The following KCNQ3 variants were observed in gnomAD, a reference collection of about 807,000 sequenced individuals.
The protein encoded by KCNQ3 is potassium voltage-gated channel subfamily Q member 3, also known as potassium voltage-gated channel subfamily KQT member 3.
KCNQ3 carries 30 observed loss-of-function variants against 92.5 expected under a neutral mutation model. That is an observed-to-expected ratio of 0.32 (90% confidence interval 0.24 to 0.44). KCNQ3 has a LOEUF of 0.44. Among genes scored for constraint, KCNQ3 ranks in the 20% least tolerant of loss-of-function variants. The probability of loss-of-function intolerance (pLI) is 1.00; values close to 1 mark genes in which losing one functional copy is unlikely to be tolerated. For synonymous variants in KCNQ3, 450 were observed against 468.8 expected, an observed-to-expected ratio of 0.96 and a Z score of 0.52; for missense variants, 913 against 1,140.3, an observed-to-expected ratio of 0.80 and a Z score of 2.87.
intron 1 of KCNQ3, among the ~76,000 whole-genome samples, chr8:132,267,695 G>A (rs1269275985): frequency 1.3e-5 from 2 of 152,124 alleles, no homozygotes; most frequent in East Asian, 3.9e-4. Flanking sequence ...CTGCTGAAAG[G>A]CGGATTCCCA....
intron 1 of KCNQ3, among the ~76,000 whole-genome samples, chr8:132,300,668 A>C (rs1817184838): frequency 6.6e-6 from 1 of 152,198 alleles, no homozygotes; most frequent in African/African-American, 2.4e-5. Flanking sequence ...CTACCTGGGC[A>C]AGTTAGCCCC....
intron 1 of KCNQ3, among the ~76,000 whole-genome samples, chr8:132,355,464 G>A (rs1212323549): frequency 6.6e-6 from 1 of 152,078 alleles, no homozygotes; most frequent in Non-Finnish European, 1.5e-5. Context: ...CTCTGTCACA[G>A]TGATTGGTCC....
chr8:132,233,757 G>A (rs1814716332), intron 1 of KCNQ3, among the ~76,000 whole-genome samples: 1 of 152,018 alleles, frequency 6.6e-6, no homozygotes, highest in African/African-American at 2.4e-5. Context: ...AGAGGACATA[G>A]AAAAAAGTTT....
At chr8:132,346,583 T>C (rs1818695138) in intron 1 of KCNQ3, among the ~76,000 whole-genome samples, 1 of 152,212 alleles carries the variant, frequency 6.6e-6, no homozygotes, top group Non-Finnish European at 1.5e-5. Flanking sequence ...TCTGCAAGTC[T>C]AATGAGGGAA....
rs574831064 is a variant in KCNQ3, at chr8:132,127,586, A to G, written c.*1676T>C. 6 of 152,368 alleles carry G rather than the reference A, an allele frequency of 3.9e-5. No homozygotes were observed. The highest frequency in any genetic ancestry group is 7.2e-5 in the African/African-American group (3 of 41,584). The allele number at this position is 152,368 out of a possible 1,614,324, so 9.4% of individuals were successfully genotyped here. On this transcript the variant is annotated 3_prime_UTR_variant, in exon 15 of 15. Transcript: ENST00000388996. ...TCTTGACAAGACTGTGAGGGAGAATAGCAGTGTCAGCTGCATACAGACATT... is the reference window on the plus strand; with the variant it reads ...TCTTGACAAGACTGTGAGGGAGAATGGCAGTGTCAGCTGCATACAGACATT...
intron 1 of KCNQ3, among the ~76,000 whole-genome samples, chr8:132,361,349 C>T (rs893131442): frequency 2.6e-5 from 4 of 152,120 alleles, no homozygotes; most frequent in Non-Finnish European, 4.4e-5. Context: ...CAAAACTCTC[C>T]CCAAATGGCC....
At chr8:132,479,628 GACACAC>G (rs71306386) in intron 1 of KCNQ3, among the ~76,000 whole-genome samples, 36,654 of 144,050 alleles carry the variant, frequency 0.25, 4,428 homozygotes, top group Middle Eastern at 0.35. Flanking sequence ...ACAAGCAAGC[GACACAC>G]ACACACACAC....
rs114231386 is a variant in KCNQ3, at chr8:132,314,739, T to C, written c.387-128558A>G. ...ATGATCCAATAAATGTTTTCCAATA[T>C]AATTAGCAAAAGTAGGCGTTTTCTC... On this transcript the variant is annotated intron_variant, in intron 1 of 14. Transcript: ENST00000388996. Among the ~76,000 whole-genome samples the C allele has an allele frequency of 4.5e-3, 688 of 152,310 alleles. 9 individuals are homozygous for C. Among genetic ancestry groups the C allele is most frequent in the African/African-American group, 0.016 (666 of 41,578 alleles).
chr8:132,424,232 C>T (rs372810886), intron 1 of KCNQ3, among the ~76,000 whole-genome samples: 186 of 152,056 alleles, frequency 1.2e-3, no homozygotes, highest in Admixed American at 3.9e-3. Flanking sequence ...CTGCCTCTGT[C>T]GCCCATTCCA....
chr8:132,254,388 G>C (rs1199865830), intron 1 of KCNQ3, among the ~76,000 whole-genome samples: 1 of 152,132 alleles, frequency 6.6e-6, no homozygotes, highest in Non-Finnish European at 1.5e-5. Flanking sequence ...TAAAAACACA[G>C]GCAAGGCATA....
At chr8:132,361,411 T>G (rs1033379448) in intron 1 of KCNQ3, among the ~76,000 whole-genome samples, 6 of 152,238 alleles carry the variant, frequency 3.9e-5, no homozygotes, top group African/African-American at 1.4e-4. Flanking sequence ...TGTTCTTTAA[T>G]GTACTGACCT....
At chr8:132,341,030 G>C (rs534664403) in intron 1 of KCNQ3, among the ~76,000 whole-genome samples, 1 of 152,300 alleles carries the variant, frequency 6.6e-6, no homozygotes, top group Admixed American at 6.5e-5. Flanking sequence ...CATTTCAAGT[G>C]CTCAATAGTC....
intron 1 of KCNQ3, among the ~76,000 whole-genome samples, chr8:132,406,126 T>C (rs75435376): frequency 0.015 from 2,234 of 152,312 alleles, 19 homozygotes; most frequent in Non-Finnish European, 0.024. Flanking sequence ...TTAAACCTGA[T>C]AGAAAGAAGG....
At chr8:132,425,746 C>T (rs922976010) in intron 1 of KCNQ3, among the ~76,000 whole-genome samples, 2 of 152,098 alleles carry the variant, frequency 1.3e-5, no homozygotes, top group African/African-American at 4.8e-5. Context: ...ATGAATCTGC[C>T]AAGGTATCTA....
intron 8 of KCNQ3, among the ~76,000 whole-genome samples, chr8:132,167,155 TGAAA>T (rs1197558043): frequency 6.6e-6 from 1 of 151,960 alleles, no homozygotes; most frequent in Non-Finnish European, 1.5e-5. Context: ...TTATGCAAAG[TGAAA>T]GAAACCATGC....
chr8:132,424,075 A>G (rs937277746), intron 1 of KCNQ3, among the ~76,000 whole-genome samples: 4 of 152,120 alleles, frequency 2.6e-5, no homozygotes, highest in South Asian at 2.1e-4. Flanking sequence ...ACCATGTCAC[A>G]TCGCTGTGGC....
At chr8:132,414,857 T>C (rs1057317824) in intron 1 of KCNQ3, among the ~76,000 whole-genome samples, 5 of 152,078 alleles carry the variant, frequency 3.3e-5, no homozygotes, top group African/African-American at 9.7e-5. Context: ...AACCGAAATA[T>C]GTAAATAAGA....
At chr8:132,161,188 C>T (rs2130066388) in intron 9 of KCNQ3, among the ~76,000 whole-genome samples, 1 of 152,268 alleles carries the variant, frequency 6.6e-6, no homozygotes, top group Admixed American at 6.5e-5. Context: ...ACTGGAAAGT[C>T]ATTTTTCTTA....
At chr8:132,347,036 C>T (rs1818709915) in intron 1 of KCNQ3, among the ~76,000 whole-genome samples, 2 of 152,144 alleles carry the variant, frequency 1.3e-5, no homozygotes, top group South Asian at 4.2e-4. Context: ...TGCCATCACC[C>T]TCCATTGTCT....
Sources: gnomAD v4.1 joint callset for allele counts (sites outside exome capture counted in the v4.1 genomes callset) on GRCh38, gnomAD v4.1.1 for gene constraint, MANE v1.5 for transcripts, NCBI Gene and HGNC (gene_info 2026-07-23, HGNC 2026-07-21) for gene names.